Variants in CADM2 observed in about 807,000 individuals in gnomAD.
The protein encoded by CADM2 is cell adhesion molecule 2.
In CADM2, 12 loss-of-function variants were observed where a neutral mutation model predicts 49.8. That is an observed-to-expected ratio of 0.24 (90% confidence interval 0.15 to 0.39). The LOEUF (loss-of-function observed/expected upper bound fraction) is 0.39, where lower values mean the gene tolerates loss of function less well. Ranked by LOEUF, CADM2 falls within the 10% of genes least tolerant of loss-of-function variation. The pLI is 1.00. For synonymous variants in CADM2, 214 were observed against 175.4 expected (o/e 1.22, Z -1.74); for missense variants, 378 against 492.3 (o/e 0.77, Z 2.20).
intron 1 of CADM2, among the ~76,000 whole-genome samples, chr3:85,013,856 CAAT>C (rs1009234165): frequency 2.1e-5 from 3 of 145,520 alleles, no homozygotes; most frequent in Non-Finnish European, 3.0e-5. Context: ...GTACTGAGGA[CAAT>C]ATTAATATTA....
At chr3:85,537,771 C>T (rs2122235) in intron 1 of CADM2, among the ~76,000 whole-genome samples, 77,782 of 151,798 alleles carry the variant, frequency 0.51, 23,000 homozygotes, top group East Asian at 0.85. Flanking sequence ...AAAAATGTTA[C>T]CTATGACTCC....
chr3:86,010,153 A>G (rs7630558), intron 8 of CADM2, among the ~76,000 whole-genome samples: 30,057 of 151,892 alleles, frequency 0.2, 3,164 homozygotes, highest in East Asian at 0.27. Context: ...GAAACCACAT[A>G]TGTAATATTA....
intron 1 of CADM2, among the ~76,000 whole-genome samples, chr3:85,109,291 C>T (rs1031089329): frequency 2.6e-5 from 4 of 151,474 alleles, no homozygotes; most frequent in Non-Finnish European, 5.9e-5. Context: ...ATTCTCCAAA[C>T]AAAAGAAATC....
intron 8 of CADM2, chr3:86,014,764 A>G (rs1298038747): frequency 1.4e-6 from 2 of 1,479,520 alleles, no homozygotes; most frequent in African/African-American, 1.4e-5. Flanking sequence ...GCCAAGCTTC[A>G]CTGTTGGAGA....
chr3:85,986,759 T>G (rs551918918), intron 8 of CADM2, among the ~76,000 whole-genome samples: 1 of 152,190 alleles, frequency 6.6e-6, no homozygotes, highest in Non-Finnish European at 1.5e-5. Flanking sequence ...TAGAAATGCT[T>G]AAGGAACAAG....
At chr3:85,384,592 G>T (rs1187078726) in intron 1 of CADM2, among the ~76,000 whole-genome samples, 1 of 151,908 alleles carries the variant, frequency 6.6e-6, no homozygotes, top group Non-Finnish European at 1.5e-5. Context: ...GTGTTTACAG[G>T]CGTCAGCCAC....
At chr3:86,043,765 C>T (rs1736265303) in intron 8 of CADM2, among the ~76,000 whole-genome samples, 1 of 152,090 alleles carries the variant, frequency 6.6e-6, no homozygotes. Flanking sequence ...CAATCCTAAG[C>T]CAAAAGAATA....
chr3:85,184,240 TG>T (rs2107710448), intron 1 of CADM2, among the ~76,000 whole-genome samples: 1 of 152,230 alleles, frequency 6.6e-6, no homozygotes, highest in African/African-American at 2.4e-5. Context: ...TCAGTAGATT[TG>T]TGAGTGTGTT....
At chr3:85,543,420 ATGTGTGTGTG>A (rs34654299) in intron 1 of CADM2, among the ~76,000 whole-genome samples, 4 of 129,580 alleles carry the variant, frequency 3.1e-5, no homozygotes, top group South Asian at 2.5e-4. Flanking sequence ...TGCCAAGCTA[ATGTGTGTGTG>A]TGTGTGTGTG....
intron 1 of CADM2, among the ~76,000 whole-genome samples, chr3:85,410,973 A>G (rs1301597339): frequency 1.3e-5 from 2 of 152,208 alleles, no homozygotes; most frequent in Admixed American, 1.3e-4. Context: ...CAATAACCCG[A>G]TTAACAACAT....
At chr3:85,196,738 A>G (rs555754030) in intron 1 of CADM2, among the ~76,000 whole-genome samples, 6 of 151,974 alleles carry the variant, frequency 3.9e-5, no homozygotes, top group African/African-American at 1.4e-4. Flanking sequence ...TCATTTAAAC[A>G]TCTCTATATT....
chr3:85,630,176 A>T (rs930632167), intron 1 of CADM2, among the ~76,000 whole-genome samples: 1 of 152,004 alleles, frequency 6.6e-6, no homozygotes, highest in Non-Finnish European at 1.5e-5. Flanking sequence ...TTGCCACTCT[A>T]TATTAATTTA....
At chr3:85,540,268 C>A (rs1479217931) in intron 1 of CADM2, among the ~76,000 whole-genome samples, 1 of 151,934 alleles carries the variant, frequency 6.6e-6, no homozygotes, top group East Asian at 1.9e-4. Context: ...TTTTAATTAC[C>A]AAGGACAAAC....
intron 1 of CADM2, among the ~76,000 whole-genome samples, chr3:85,486,105 G>A (rs577272163): frequency 4.6e-5 from 7 of 152,192 alleles, no homozygotes; most frequent in South Asian, 2.1e-4. Flanking sequence ...GCTCCTCAGC[G>A]AAACATACAA....
At chr3:85,920,743 A>G (rs1718994792) in intron 6 of CADM2, among the ~76,000 whole-genome samples, 1 of 151,658 alleles carries the variant, frequency 6.6e-6, no homozygotes, top group Non-Finnish European at 1.5e-5. Context: ...AGGATTCAAA[A>G]TGTTGTTATT....
At chr3:85,142,961 C>G (rs970389337) in intron 1 of CADM2, among the ~76,000 whole-genome samples, 3 of 151,814 alleles carry the variant, frequency 2.0e-5, no homozygotes, top group Admixed American at 6.6e-5. Context: ...CCTTATTATC[C>G]CATTTTATAA....
At chr3:85,945,547 A>G (rs145729333) in intron 7 of CADM2, among the ~76,000 whole-genome samples, 5,075 of 152,118 alleles carry the variant, frequency 0.033, 285 homozygotes, top group African/African-American at 0.12. Context: ...CTGGCAAACC[A>G]AATCCAGCAG....
intron 1 of CADM2, among the ~76,000 whole-genome samples, chr3:85,616,559 A>G (rs2063804602): frequency 6.6e-6 from 1 of 152,106 alleles, no homozygotes; most frequent in African/African-American, 2.4e-5. Flanking sequence ...TCCCTGCTCT[A>G]TAGATGCAGA....
chr3:86,057,478 A>G (rs540537917), intron 8 of CADM2, among the ~76,000 whole-genome samples: 1 of 152,210 alleles, frequency 6.6e-6, no homozygotes, highest in Admixed American at 6.5e-5. Flanking sequence ...GCAAATTGGC[A>G]TATAAAAAAC....
Sources: gnomAD v4.1 joint callset for allele counts (sites outside exome capture counted in the v4.1 genomes callset) on GRCh38, gnomAD v4.1.1 for gene constraint, MANE v1.5 for transcripts, NCBI Gene and HGNC (gene_info 2026-07-23, HGNC 2026-07-21) for gene names.